The following SLC35G5 variants were observed in gnomAD, a reference collection of about 807,000 sequenced individuals.
The protein encoded by SLC35G5 is solute carrier family 35 member G5, also known as acyl-malonyl condensing enzyme 1-like 2.
Under a neutral mutation model 17.6 loss-of-function variants are expected in SLC35G5, and 14 were observed. The observed-to-expected ratio is 0.79, with a 90% CI of 0.52 to 1.24. The LOEUF is 1.24. Ranked by LOEUF, SLC35G5 falls within the 50% of genes most tolerant of loss-of-function variation. The probability of loss-of-function intolerance (pLI) is 0.00; values close to 1 mark genes in which losing one functional copy is unlikely to be tolerated. For missense variants in SLC35G5, 541 were observed against 430.3 expected (o/e 1.26, Z -2.28); for synonymous variants, 236 against 194.9 (o/e 1.21, Z -1.76).
rs1333396804 is a variant in SLC35G5, at chr8:11,332,294, T to A, written c.*171T>A. The A allele has an allele frequency of 8.8e-7, 1 of 1,140,564 alleles. No individual in the cohort carries two copies. Among genetic ancestry groups the A allele is most frequent in the African/African-American group, 1.6e-5 (1 of 62,624 alleles). 70.7% of individuals were successfully genotyped at this position (1,140,564 alleles called of 1,614,324 possible). On this transcript the variant is annotated 3_prime_UTR_variant, in exon 1 of 1. Coordinates refer to ENST00000382435, the MANE Select transcript of SLC35G5 (RefSeq NM_054028.2). ...TTGAGATGTTCAGTTATAATAAAAATATCACAAAGCATGCAAACAAATGAG... is the reference window on the plus strand; with the variant it reads ...TTGAGATGTTCAGTTATAATAAAAAAATCACAAAGCATGCAAACAAATGAG...
Position 11,331,410 on chromosome 8 carries a change from G to A in SLC35G5, c.304G>A (p.Gly102Ser), listed in dbSNP as rs1390752640. Residue 102 changes from glycine (G) to serine (S), a missense_variant, in exon 1 of 1, where the codon GGC becomes AGC. Physicochemically the swap from Gly to Ser is moderately conservative, Grantham distance 56. Coordinates refer to ENST00000382435, the MANE Select transcript of SLC35G5 (RefSeq NM_054028.2). ...DPLLGPPDIR[G>S]WACFCALLNV... ...CCTTCTGGGACCTCCTGACATCCGA[G>A]GCTGGGCCTGCTTCTGTGCCCTGCT... is the stretch of plus-strand genomic sequence containing the variant. 3.7e-6 allele frequency: 6 copies of A among 1,613,928 alleles called. No homozygotes were observed. Among genetic ancestry groups the A allele is most frequent in the Non-Finnish European group, 5.1e-6 (6 of 1,179,806 alleles).
rs778526172 is a variant in SLC35G5, at chr8:11,332,173, C to CA, written c.*53dup. ...TGGGAGGGACAGGGATAAATAAAGACAAAGACTGAAGACAAAAAAAAAATA... is the reference window on the plus strand; with the variant it reads ...TGGGAGGGACAGGGATAAATAAAGACAAAAGACTGAAGACAAAAAAAAAATA... On this transcript the variant is annotated 3_prime_UTR_variant, in exon 1 of 1. Coordinates refer to ENST00000382435, the MANE Select transcript of SLC35G5 (RefSeq NM_054028.2). The CA allele has an allele frequency of 2.5e-6, 4 of 1,581,826 alleles. No homozygotes were observed. In the Admixed American group the frequency reaches 5.5e-5, roughly 22 times the overall value.
rs1383562063 is a variant in SLC35G5, at chr8:11,331,966, A to C, written c.860A>C (p.His287Pro). 1.9e-6 allele frequency: 3 copies of C among 1,611,988 alleles called. No individual in the cohort carries two copies. Among genetic ancestry groups the C allele is most frequent in the Non-Finnish European group, 1.7e-6 (2 of 1,179,852 alleles). The change falls in exon 1 of 1, where the codon CAT becomes CCT. Residue 287 changes from histidine (H) to proline (P), a missense_variant. Coordinates refer to ENST00000382435, the MANE Select transcript of SLC35G5 (RefSeq NM_054028.2). ...AHPALVCAVLHSEVVVALILQ... is the reference protein window; with the variant it reads ...AHPALVCAVLPSEVVVALILQ... ...CCTGCCCTGGTGTGCGCTGTCCTGC[A>C]TTCCGAGGTGGTTGTGGCCCTTATA...
chr8:11,331,480 T>C lies in SLC35G5; in HGVS notation c.374T>C (p.Val125Ala). 6.2e-7 allele frequency: 1 copy of C among 1,613,942 alleles called. No individual in the cohort carries two copies. Among genetic ancestry groups the C allele is most frequent in the Middle Eastern group, 1.7e-4 (1 of 6,056 alleles). Reference sequence around the variant, plus strand: ...TGTGCCTACAGTGCAGTTCAGGTGGTGCCCGCTGGCAACGCTGCCACTGTT... The same window carrying C: ...TGTGCCTACAGTGCAGTTCAGGTGGCGCCCGCTGGCAACGCTGCCACTGTT... ...IGCAYSAVQV[V>A]PAGNAATVRK... Residue 125 changes from valine to alanine, a missense_variant, in exon 1 of 1, where the codon GTG becomes GCG. By Grantham distance (64) the Val-to-Ala change is moderately conservative. Coordinates refer to ENST00000382435, the MANE Select transcript of SLC35G5 (RefSeq NM_054028.2).
chr8:11,332,191 A>G lies in SLC35G5; in HGVS notation c.*68A>G. ...ATAAAGACAAAGACTGAAGACAAAA[A>G]AAAAATAAAAGAAAAAAAATAATTA... On this transcript the variant is annotated 3_prime_UTR_variant, in exon 1 of 1. Coordinates refer to ENST00000382435, the MANE Select transcript of SLC35G5 (RefSeq NM_054028.2). 1 of 1,535,992 alleles carries G rather than the reference A, an allele frequency of 6.5e-7. No homozygotes were observed. The highest frequency in any genetic ancestry group is 8.7e-7 in the Non-Finnish European group (1 of 1,150,208).
At position 11,331,173 on chromosome 8, in the gene SLC35G5, C is replaced by T; in HGVS notation, c.67C>T (p.Pro23Ser). 1 of 1,613,408 alleles carries T rather than the reference C, an allele frequency of 6.2e-7. No individual in the cohort carries two copies. Among genetic ancestry groups the T allele is most frequent in the Non-Finnish European group, 8.5e-7 (1 of 1,179,670 alleles). ...ACACCCATCGCCGCCCTCCGCTCCA[C>T]CCAGCCTCCGCTGGCACCAGCGCTG... Reference protein sequence around the residue: ...STHPSPPSAPPSLRWHQRCQP... With the variant: ...STHPSPPSAPSSLRWHQRCQP... The change falls in exon 1 of 1, where the codon CCC becomes TCC. Residue 23 changes from proline to serine, a missense_variant. Coordinates refer to ENST00000382435, the MANE Select transcript of SLC35G5 (RefSeq NM_054028.2).
chr8:11,331,501 C>A lies in SLC35G5; in HGVS notation c.395C>A (p.Thr132Asn). Residue 132 changes from threonine to asparagine, a missense_variant, in exon 1 of 1, where the codon ACT becomes AAT. By Grantham distance (65) the Thr-to-Asn change is moderately conservative. Coordinates refer to ENST00000382435, the MANE Select transcript of SLC35G5 (RefSeq NM_054028.2). ...VQVVPAGNAA[T>N]VRKGSSTVCS... ...GTGGTGCCCGCTGGCAACGCTGCCA[C>A]TGTTCGCAAAGGTTCTTCCACCGTA... 6.2e-7 allele frequency: 1 copy of A among 1,613,982 alleles called. No individual in the cohort carries two copies. The highest frequency in any genetic ancestry group is 8.5e-7 in the Non-Finnish European group (1 of 1,179,866).
Position 11,331,942 on chromosome 8 carries a change from C to T in SLC35G5, c.836C>T (p.Pro279Leu), listed in dbSNP as rs1563298109. The T allele has an allele frequency of 6.2e-7, 1 of 1,612,048 alleles. No homozygotes were observed. Among genetic ancestry groups the T allele is most frequent in the Non-Finnish European group, 8.5e-7 (1 of 1,179,850 alleles). The change falls in exon 1 of 1, where the codon CCT (proline) becomes CTT (leucine). Residue 279 changes from proline to leucine, a missense_variant. Pro to Leu is a moderately conservative substitution (Grantham distance 98). Transcript: ENST00000382435. ...GGCTATGCGGTCACCAAGGCCCACC[C>T]TGCCCTGGTGTGCGCTGTCCTGCAT... ...CVGYAVTKAH[P>L]ALVCAVLHSE...
At position 11,331,118 on chromosome 8, in the gene SLC35G5, T is replaced by G; in HGVS notation, c.12T>G (p.Ser4Arg). MAG[S>R]HPYFNLPDST... is the part of the protein sequence containing the mutation. The stretch of plus-strand genomic sequence containing the variant: ...AAGTCCAAGGAAAGATGGCTGGCAG[T>G]CACCCCTACTTCAACCTGCCTGACT... The change falls in exon 1 of 1, where the codon AGT becomes AGG. Residue 4 changes from serine to arginine, a missense_variant. Ser to Arg is a moderately radical substitution (Grantham distance 110). Transcript: ENST00000382435. 1 of 1,595,766 alleles carries G rather than the reference T, an allele frequency of 6.3e-7. No homozygotes were observed. The highest frequency in any genetic ancestry group is 2.2e-5 in the East Asian group (1 of 44,684).
In SLC35G5 at chr8:11,331,399, C is replaced by A. The variant is rs937177909; in HGVS notation, c.293C>A (p.Pro98His). 4 of 1,613,854 alleles carry A rather than the reference C, an allele frequency of 2.5e-6. No homozygotes were observed. The African/African-American group carries it at 4.0e-5, about 16-fold the overall frequency. The change falls in exon 1 of 1, where the codon CCT becomes CAT. Residue 98 changes from proline to histidine, a missense_variant. Physicochemically the swap from Pro to His is moderately conservative, Grantham distance 77. Coordinates refer to ENST00000382435, the MANE Select transcript of SLC35G5 (RefSeq NM_054028.2). ...CGTGGCGACCCCCTTCTGGGACCTCCTGACATCCGAGGCTGGGCCTGCTTC... is the reference window on the plus strand; with the variant it reads ...CGTGGCGACCCCCTTCTGGGACCTCATGACATCCGAGGCTGGGCCTGCTTC... The part of the protein sequence containing the change: ...KLRGDPLLGP[P>H]DIRGWACFCA...
chr8:11,332,184 G>C lies in SLC35G5; in HGVS notation c.*61G>C. 1 of 1,508,718 alleles carries C rather than the reference G, an allele frequency of 6.6e-7. No individual in the cohort carries two copies. Among genetic ancestry groups the C allele is most frequent in the Non-Finnish European group, 8.8e-7 (1 of 1,135,780 alleles). The allele number at this position is 1,508,718 out of a possible 1,614,324, so 93.5% of individuals were successfully genotyped here. Reference sequence around the variant, plus strand: ...GGGATAAATAAAGACAAAGACTGAAGACAAAAAAAAAATAAAAGAAAAAAA... The same window carrying C: ...GGGATAAATAAAGACAAAGACTGAACACAAAAAAAAAATAAAAGAAAAAAA... On this transcript the variant is annotated 3_prime_UTR_variant, in exon 1 of 1. Transcript: ENST00000382435.
Position 11,331,293 on chromosome 8 carries a change from C to T in SLC35G5, c.187C>T (p.Gln63Ter), listed in dbSNP as rs1248861694. 3.1e-6 allele frequency: 5 copies of T among 1,613,876 alleles called. No homozygotes were observed. In the Admixed American group the frequency reaches 6.7e-5, roughly 22 times the overall value. ...FVGPLSRMAY[Q>*]GSNLPSLELL... ...GGGCCCCCTTTCTCGTATGGCTTACCAGGGTTCCAACCTGCCCTCGCTGGA... is the reference window on the plus strand; with the variant it reads ...GGGCCCCCTTTCTCGTATGGCTTACTAGGGTTCCAACCTGCCCTCGCTGGA... Residue 63 changes from glutamine (Q) to a stop codon, truncating the protein, a stop_gained, in exon 1 of 1, where the codon CAG (glutamine) becomes TAG (stop). Coordinates refer to ENST00000382435, the MANE Select transcript of SLC35G5 (RefSeq NM_054028.2). LOFTEE classifies it high-confidence loss of function.
In SLC35G5 at chr8:11,332,234, G is replaced by A. The variant is rs1801266272; in HGVS notation, c.*111G>A. ...AATAATTATAATAAATCCTAGGAAA[G>A]AGTGAAAGTCTAACTTCCATAGCAC... On this transcript the variant is annotated 3_prime_UTR_variant, in exon 1 of 1. Transcript: ENST00000382435. 1 of 1,466,376 alleles carries A rather than the reference G, an allele frequency of 6.8e-7. No individual in the cohort carries two copies. Among genetic ancestry groups the A allele is most frequent in the African/African-American group, 1.4e-5 (1 of 69,566 alleles). The allele number at this position is 1,466,376 out of a possible 1,614,324, so 90.8% of individuals were successfully genotyped here. A position where few individuals can be genotyped will look rare whatever the true frequency, so the allele number is the denominator to read the frequency against.
Position 11,331,623 on chromosome 8 carries a change from C to T in SLC35G5, c.517C>T (p.Leu173=). ...CAGCATCCTAGGACTAATCATCATT[C>T]TGGGACCTGGACTCTGGACACTACA... ...LGSILGLIII[L]GPGLWTLQEG... is the part of the protein sequence containing the mutation. Residue 173 remains leucine, a synonymous_variant, in exon 1 of 1, where the codon CTG becomes TTG. Coordinates refer to ENST00000382435, the MANE Select transcript of SLC35G5 (RefSeq NM_054028.2). 1.2e-6 allele frequency: 2 copies of T among 1,608,818 alleles called. No individual in the cohort carries two copies. The highest frequency in any genetic ancestry group is 1.1e-5 in the South Asian group (1 of 90,910).
Position 11,331,930 on chromosome 8 carries a change from C to G in SLC35G5, c.824C>G (p.Thr275Ser), listed in dbSNP as rs1585150795. 1.2e-6 allele frequency: 2 copies of G among 1,612,012 alleles called. No homozygotes were observed. The highest frequency in any genetic ancestry group is 2.7e-5 in the African/African-American group (2 of 74,966). The change falls in exon 1 of 1, where the codon ACC (threonine) becomes AGC (serine). Residue 275 changes from threonine (T) to serine (S), a missense_variant. Physicochemically the swap from Thr to Ser is moderately conservative, Grantham distance 58. Transcript: ENST00000382435. The stretch of plus-strand genomic sequence containing the variant: ...TTCACATGTGTGGGCTATGCGGTCA[C>G]CAAGGCCCACCCTGCCCTGGTGTGC... The part of the protein sequence containing the change: ...VSFTCVGYAV[T>S]KAHPALVCAV...
Position 11,331,373 on chromosome 8 carries a change from G to A in SLC35G5, c.267G>A (p.Leu89=), listed in dbSNP as rs757980854. 24 of 1,614,024 alleles carry A rather than the reference G, an allele frequency of 1.5e-5. No individual in the cohort carries two copies. In the Admixed American group the frequency reaches 3.8e-4, roughly 26 times the overall value. Residue 89 remains leucine (L), a synonymous_variant, in exon 1 of 1, where the codon CTG becomes CTA. Coordinates refer to ENST00000382435, the MANE Select transcript of SLC35G5 (RefSeq NM_054028.2). ...FHLPIALLLK[L]RGDPLLGPPD... The stretch of plus-strand genomic sequence containing the variant: ...TCCCTATTGCCCTGCTACTTAAACT[G>A]CGTGGCGACCCCCTTCTGGGACCTC...
Position 11,332,213 on chromosome 8 carries a change from A to C in SLC35G5, c.*90A>C. On this transcript the variant is annotated 3_prime_UTR_variant, in exon 1 of 1. Transcript: ENST00000382435. ...AAAAAAAAATAAAAGAAAAAAAATA[A>C]TTATAATAAATCCTAGGAAAGAGTG... is the stretch of plus-strand genomic sequence containing the variant. 5 of 1,495,968 alleles carry C rather than the reference A, an allele frequency of 3.3e-6. No homozygotes were observed. The highest frequency in any genetic ancestry group is 1.3e-5 in the South Asian group (1 of 74,468). The allele number at this position is 1,495,968 out of a possible 1,614,324, so 92.7% of individuals were successfully genotyped here. A position where few individuals can be genotyped will look rare whatever the true frequency, so the allele number is the denominator to read the frequency against.
rs369468696 is a variant in SLC35G5, at chr8:11,331,160, G to C, written c.54G>C (p.Pro18=). ...FNLPDSTHPS[P]PSAPPSLRWH... ...TGCCTGACTCCACACACCCATCGCCGCCCTCCGCTCCACCCAGCCTCCGCT... is the reference window on the plus strand; with the variant it reads ...TGCCTGACTCCACACACCCATCGCCCCCCTCCGCTCCACCCAGCCTCCGCT... Residue 18 remains proline, a synonymous_variant, in exon 1 of 1, where the codon CCG becomes CCC. Transcript: ENST00000382435. 7.4e-6 allele frequency: 12 copies of C among 1,612,164 alleles called. No individual in the cohort carries two copies. The Middle Eastern group carries it at 8.3e-4, about 112-fold the overall frequency.
In SLC35G5 at chr8:11,331,564, G is replaced by T. The variant is rs1801230170; in HGVS notation, c.458G>T (p.Gly153Val). 2.5e-6 allele frequency: 4 copies of T among 1,613,828 alleles called. No homozygotes were observed. The highest frequency in any genetic ancestry group is 1.3e-5 in the African/African-American group (1 of 74,968). The change falls in exon 1 of 1, where the codon GGT becomes GTT. Residue 153 changes from glycine (G) to valine (V), a missense_variant. Coordinates refer to ENST00000382435, the MANE Select transcript of SLC35G5 (RefSeq NM_054028.2). ...AVLTLCLESQ[G>V]LGGYEWCGLL... ...CTCACCCTCTGCCTTGAGAGCCAGG[G>T]TCTCGGTGGCTACGAGTGGTGTGGA...
Sources: gnomAD v4.1 joint callset for allele counts on GRCh38, gnomAD v4.1.1 for gene constraint, MANE v1.5 for transcripts, NCBI Gene and HGNC (gene_info 2026-07-23, HGNC 2026-07-21) for gene names.